The following EGFR variants were observed in gnomAD, a reference collection of about 807,000 sequenced individuals.
The protein encoded by EGFR is epidermal growth factor receptor, also known as avian erythroblastic leukemia viral (v-erb-b) oncogene homolog.
EGFR carries 58 observed loss-of-function variants against 143.0 expected under a neutral mutation model. That is an observed-to-expected ratio of 0.41 (90% CI 0.33 to 0.50). EGFR has a LOEUF of 0.50. Among genes scored for constraint, EGFR ranks in the 20% least tolerant of loss-of-function variants. EGFR has a pLI of 0.39. For synonymous variants in EGFR, 613 were observed against 594.4 expected (o/e 1.03, Z -0.45); for missense variants, 1,307 against 1,579.0 (o/e 0.83, Z 2.92).
rs1429613717 is a variant in EGFR at position 55,156,818 on chromosome 7, TA to T, written c.1196del (p.Lys399ArgfsTer8). 1 of 1,614,196 alleles carries T rather than the reference TA, an allele frequency of 6.2e-7. No individual in the cohort carries two copies. The highest frequency in any genetic ancestry group is 2.2e-5 in the East Asian group (1 of 44,888). ...DPQELDILKTVKEITGFLLIQ... is the reference protein window; with the variant it reads ...DPQELDILKTXKEITGFLLIQ... Reference sequence around the variant, plus strand: ...CAGGAACTGGATATTCTGAAAACCGTAAAGGAAATCACAGGTTTGAGCTGAA... The same window carrying T: ...CAGGAACTGGATATTCTGAAAACCGTAAGGAAATCACAGGTTTGAGCTGAA... On this transcript the variant is annotated frameshift_variant, in exon 10 of 28. Transcript: ENST00000275493. LOFTEE classifies it high-confidence loss of function.
chr7:55,154,088 C>T lies in EGFR; in HGVS notation c.825C>T (p.Tyr275=), dbSNP rs2128935024. ...TCATGCTCTACAACCCCACCACGTA[C>T]CAGATGGATGTGAACCCCGAGGGCA... ...PPLMLYNPTT[Y]QMDVNPEGKY... Residue 275 remains tyrosine, a synonymous_variant, in exon 7 of 28, where the codon TAC becomes TAT. Coordinates refer to ENST00000275493, the MANE Select transcript of EGFR (RefSeq NM_005228.5). The T allele has an allele frequency of 2.5e-6, 4 of 1,614,218 alleles. No individual in the cohort carries two copies. In the East Asian group the frequency reaches 8.9e-5, roughly 36 times the overall value.
At chr7:55,087,280 A>C (rs951336575) in intron 1 of EGFR, among the ~76,000 whole-genome samples, 1 of 139,474 alleles carries the variant, frequency 7.2e-6, no homozygotes, top group Admixed American at 7.1e-5. Context: ...TGTTAAAAAA[A>C]AAACAAAAAA....
intron 20 of EGFR, among the ~76,000 whole-genome samples, chr7:55,189,511 G>T (rs1215487591): frequency 6.6e-6 from 1 of 152,222 alleles, no homozygotes; most frequent in Non-Finnish European, 1.5e-5. Flanking sequence ...AGCATTTAAA[G>T]AGGCAGAATG....
intron 1 of EGFR, among the ~76,000 whole-genome samples, chr7:55,041,953 A>C (rs1787920931): frequency 6.6e-6 from 1 of 152,240 alleles, no homozygotes; most frequent in South Asian, 2.1e-4. Flanking sequence ...GAAGGATCTA[A>C]GAATTTTCTG....
chr7:55,157,607 T>C (rs2128939468), intron 10 of EGFR, 56 bp from the exon 11 acceptor site: 1 of 1,450,030 alleles, frequency 6.9e-7, no homozygotes, highest in South Asian at 1.1e-5. Flanking sequence ...TAATGTCTCA[T>C]ACAAAAAAGA....
intron 1 of EGFR, among the ~76,000 whole-genome samples, chr7:55,096,896 C>T (rs1791505593): frequency 6.6e-6 from 1 of 152,166 alleles, no homozygotes; most frequent in Non-Finnish European, 1.5e-5. Context: ...AATACAGAGG[C>T]TAGCACATGT....
chr7:55,171,299 C>T, intron 16 of EGFR, 86 bp downstream of exon 16: 1 of 1,553,984 alleles, frequency 6.4e-7, no homozygotes, highest in East Asian at 2.2e-5. Context: ...GCATTTCTGA[C>T]TGTCCTCTGT....
chr7:55,088,659 G>C (rs1790914739), intron 1 of EGFR, among the ~76,000 whole-genome samples: 1 of 152,170 alleles, frequency 6.6e-6, no homozygotes, highest in African/African-American at 2.4e-5. Flanking sequence ...TGATTATCAG[G>C]GGAGCTTCCA....
rs763666690 is a variant in EGFR, at chr7:55,191,825, C to T, written c.2576C>T (p.Ala859Val). The change falls in exon 21 of 28, where the codon GCC (alanine) becomes GTC (valine). Residue 859 changes from alanine (A) to valine (V), a missense_variant. Physicochemically the swap from Ala to Val is moderately conservative, Grantham distance 64. Transcript: ENST00000275493. ...GTCAAGATCACAGATTTTGGGCTGGCCAAACTGCTGGGTGCGGAAGAGAAA... is the reference window on the plus strand; with the variant it reads ...GTCAAGATCACAGATTTTGGGCTGGTCAAACTGCTGGGTGCGGAAGAGAAA... ...QHVKITDFGL[A>V]KLLGAEEKEY... 6.2e-7 allele frequency: 1 copy of T among 1,613,958 alleles called. No homozygotes were observed. Among genetic ancestry groups the T allele is most frequent in the Admixed American group, 1.7e-5 (1 of 60,010 alleles).
intron 1 of EGFR, among the ~76,000 whole-genome samples, chr7:55,112,047 C>T (rs1792530357): frequency 6.6e-6 from 1 of 152,100 alleles, no homozygotes; most frequent in Non-Finnish European, 1.5e-5. Context: ...GAGGCAGACA[C>T]CTGGGCTACC....
chr7:55,059,367 C>CGGCCCCTGTTTCTTTCTCAT (rs1789032304), intron 1 of EGFR, among the ~76,000 whole-genome samples: 2 of 152,188 alleles, frequency 1.3e-5, no homozygotes, highest in Non-Finnish European at 2.9e-5. Flanking sequence ...AGTTCCAGCA[C>CGGCCCCTGTTTCTTTCTCAT]GGCCCCTGTT....
intron 1 of EGFR, among the ~76,000 whole-genome samples, chr7:55,090,126 G>A (rs1791022249): frequency 2.6e-5 from 4 of 151,946 alleles, no homozygotes; most frequent in Admixed American, 6.6e-5. Context: ...GTGCCACCAC[G>A]CCCAGCTAAT....
At chr7:55,120,361 G>T (rs1206009120) in intron 1 of EGFR, among the ~76,000 whole-genome samples, 8 of 152,180 alleles carry the variant, frequency 5.3e-5, no homozygotes, top group East Asian at 3.8e-4. Context: ...CTTACTAAAG[G>T]GATGTTGAGC....
chr7:55,070,531 A>C (rs1789757607), intron 1 of EGFR, among the ~76,000 whole-genome samples: 1 of 152,222 alleles, frequency 6.6e-6, no homozygotes, highest in African/African-American at 2.4e-5. Flanking sequence ...AAACATGCGT[A>C]CATAATAGCA....
intron 1 of EGFR, among the ~76,000 whole-genome samples, chr7:55,080,349 A>G (rs941665692): frequency 6.6e-6 from 1 of 150,400 alleles, no homozygotes; most frequent in Non-Finnish European, 1.5e-5. Context: ...TACATACACA[A>G]TGGAATACTA....
intron 3 of EGFR, 137 bp downstream of exon 3, chr7:55,143,625 CTG>C: frequency 1.1e-6 from 1 of 951,534 alleles, no homozygotes; most frequent in Non-Finnish European, 1.6e-6. Context: ...TGAGTGCCGG[CTG>C]TGTGTAAGAT....
Position 55,201,770 on chromosome 7 carries a change from T to G in EGFR, c.3150T>G (p.Ile1050Met), listed in dbSNP as rs2128972543. 6.2e-7 allele frequency: 1 copy of G among 1,614,230 alleles called. No homozygotes were observed. The highest frequency in any genetic ancestry group is 1.1e-5 in the South Asian group (1 of 91,080). Residue 1050 changes from isoleucine to methionine, a missense_variant, in exon 26 of 28, where the codon ATT becomes ATG. This residue lies in a region of EGFR where 313 missense variants were observed against 312.3 expected (regional missense o/e 1.00). Coordinates refer to ENST00000275493, the MANE Select transcript of EGFR (RefSeq NM_005228.5). ...GCAACAATTCCACCGTGGCTTGCAT[T>G]GATAGAAATGGGGTATGTATGAACA... ...ATSNNSTVAC[I>M]DRNGLQSCPI...
intron 1 of EGFR, among the ~76,000 whole-genome samples, chr7:55,074,214 A>G (rs1000953568): frequency 2.0e-5 from 3 of 152,234 alleles, no homozygotes; most frequent in African/African-American, 7.2e-5. Flanking sequence ...ACTCTGAGTC[A>G]CGGTGAAAAT....
At chr7:55,181,597 A>G in intron 20 of EGFR, 119 bp downstream of exon 20, 1 of 1,165,914 alleles carries the variant, frequency 8.6e-7, no homozygotes, top group African/African-American at 1.5e-5. Context: ...TGCATGCAGC[A>G]CACACACATT....
Sources: gnomAD v4.1 joint callset for allele counts (sites outside exome capture counted in the v4.1 genomes callset) on GRCh38, gnomAD v4.1.1 for gene constraint, gnomAD v4.1.1 regional missense constraint, MANE v1.5 for transcripts, NCBI Gene and HGNC (gene_info 2026-07-23, HGNC 2026-07-21) for gene names.